PCDHGB3: variants seen among roughly 807,000 people sequenced by gnomAD.
PCDHGB3 encodes protocadherin gamma-B3.
Under a neutral mutation model 59.2 loss-of-function variants are expected in PCDHGB3, and 40 were observed. The observed-to-expected ratio is 0.68, with a 90% CI of 0.52 to 0.88. The LOEUF (loss-of-function observed/expected upper bound fraction) is 0.88. Ranked by LOEUF, PCDHGB3 falls within the 40% of genes least tolerant of loss-of-function variation. The pLI, the probability that PCDHGB3 is intolerant of heterozygous loss-of-function variation, is 0.00. For synonymous variants in PCDHGB3, 581 were observed against 503.6 expected, an observed-to-expected ratio of 1.15 and a Z score of -2.06; for missense variants, 1,309 against 1,187.9, an observed-to-expected ratio of 1.10 and a Z score of -1.50.
intron 1 of PCDHGB3, chr5:141,393,035 CTT>C: frequency 6.2e-7 from 1 of 1,613,790 alleles, no homozygotes; most frequent in South Asian, 1.1e-5. Flanking sequence ...GGACGCAGCT[CTT>C]TGCTCTGAAC....
At chr5:141,386,140 G>A (rs1246033956) in intron 1 of PCDHGB3, 1 of 152,170 alleles carries the variant, frequency 6.6e-6, no homozygotes, top group African/African-American at 2.4e-5. Context: ...TACTGGCTTT[G>A]TTTCAACTGT....
intron 1 of PCDHGB3, chr5:141,383,685 C>T: frequency 3.1e-6 from 5 of 1,614,018 alleles, no homozygotes; most frequent in Non-Finnish European, 4.2e-6. Context: ...CAAGACTGCT[C>T]ACGGTACATG....
At chr5:141,456,504 T>G (rs781368588) in intron 1 of PCDHGB3, among the ~76,000 whole-genome samples, 1 of 152,148 alleles carries the variant, frequency 6.6e-6, no homozygotes, top group Non-Finnish European at 1.5e-5. Context: ...GGTTAACCAA[T>G]TCCATAAAGA....
intron 3 of PCDHGB3, among the ~76,000 whole-genome samples, chr5:141,510,566 A>G (rs2154594633): frequency 6.6e-6 from 1 of 152,288 alleles, no homozygotes; most frequent in South Asian, 2.1e-4. Flanking sequence ...TACATCTACC[A>G]GGCACTATTT....
chr5:141,384,384 C>A (rs142665639), intron 1 of PCDHGB3: 102 of 1,613,934 alleles, frequency 6.3e-5, no homozygotes, highest in Non-Finnish European at 8.3e-5. Context: ...CCGAAGACAC[C>A]ATCCAGGGGG....
In PCDHGB3 at chr5:141,447,157, T is replaced by A. The variant is rs569196292; in HGVS notation, c.2416-47650T>A. On this transcript the variant is annotated intron_variant, in intron 1 of 3. Transcript: ENST00000576222. The stretch of plus-strand genomic sequence containing the variant: ...TTTGTTTTTTGTTTTTGTTTTTGTT[T>A]AAGCGGGGTCTTGCTCTTGTCGCGC... Among the ~76,000 whole-genome samples the A allele has an allele frequency of 4.1e-4, 62 of 152,254 alleles. No homozygotes were observed. The South Asian group carries it at 0.013, about 31-fold the overall frequency.
chr5:141,428,148 G>A (rs774961575), intron 1 of PCDHGB3: 6 of 1,588,024 alleles, frequency 3.8e-6, no homozygotes, highest in East Asian at 4.5e-5. Flanking sequence ...GCTGCACACG[G>A]GAACCTGCTG....
chr5:141,492,296 G>GACGC lies in PCDHGB3; in HGVS notation c.2416-2500_2416-2497dup, dbSNP rs540417011. 9.7e-4 allele frequency among the ~76,000 whole-genome samples: 148 copies of GACGC among 152,328 alleles called. 2 individuals are homozygous for GACGC. In the South Asian group the frequency reaches 0.014, roughly 14 times the overall value. ...GCCACGCCCCGCCAACACGTGCGCGGACGCACGCACGCACTCCTCGCACGT... is the reference window on the plus strand; with the variant it reads ...GCCACGCCCCGCCAACACGTGCGCGGACGCACGCACGCACGCACTCCTCGCACGT... On this transcript the variant is annotated intron_variant, in intron 1 of 3. Transcript: ENST00000576222.
In PCDHGB3 at chr5:141,466,692, A is replaced by G. The variant is rs185786515; in HGVS notation, c.2416-28115A>G. Among the ~76,000 whole-genome samples the G allele has an allele frequency of 3.0e-4, 46 of 152,280 alleles. 1 individual carries two copies. The highest frequency in any genetic ancestry group is 1.0e-3 in the African/African-American group (43 of 41,558). On this transcript the variant is annotated intron_variant, in intron 1 of 3. Coordinates refer to ENST00000576222, the MANE Select transcript of PCDHGB3 (RefSeq NM_018924.5). ...ACCGTTCTTCCACTCAAGCTTCATCATAAATTTGATGTCTGTTCTTGTTTC... is the reference window on the plus strand; with the variant it reads ...ACCGTTCTTCCACTCAAGCTTCATCGTAAATTTGATGTCTGTTCTTGTTTC...
chr5:141,452,133 A>C (rs2098734490), intron 1 of PCDHGB3, among the ~76,000 whole-genome samples: 1 of 152,136 alleles, frequency 6.6e-6, no homozygotes, highest in Admixed American at 6.5e-5. Flanking sequence ...TATATGGCTC[A>C]TGTGTTTTTT....
In PCDHGB3 at chr5:141,460,999, G is replaced by GTA. The variant is rs1350972422; in HGVS notation, c.2416-33797_2416-33796dup. Reference sequence around the variant, plus strand: ...TGTGTGTGTGTATATATATATATGTGTATATATATATACCACATTTTCTTT... The same window carrying GTA: ...TGTGTGTGTGTATATATATATATGTGTATATATATATATACCACATTTTCTTT... On this transcript the variant is annotated intron_variant, in intron 1 of 3. Coordinates refer to ENST00000576222, the MANE Select transcript of PCDHGB3 (RefSeq NM_018924.5). Among the ~76,000 whole-genome samples, 54 of 149,566 alleles carry GTA rather than the reference G, an allele frequency of 3.6e-4. No homozygotes were observed. The South Asian group carries it at 4.2e-3, about 12-fold the overall frequency.
chr5:141,491,503 G>C lies in PCDHGB3; in HGVS notation c.2416-3304G>C. On this transcript the variant is annotated intron_variant, in intron 1 of 3. Coordinates refer to ENST00000576222, the MANE Select transcript of PCDHGB3 (RefSeq NM_018924.5). The surrounding 1 kb of genome is among the most constrained non-coding windows in gnomAD (Gnocchi z 6.9). ...CCCCAACCTGCAGGTGAGCTCGGACGGCACGCTCAAGTACATGGAGGTGAC... is the reference window on the plus strand; with the variant it reads ...CCCCAACCTGCAGGTGAGCTCGGACCGCACGCTCAAGTACATGGAGGTGAC... The C allele has an allele frequency of 6.2e-7, 1 of 1,614,030 alleles. No homozygotes were observed.
At chr5:141,478,545 A>C in intron 1 of PCDHGB3, 1 of 1,605,606 alleles carries the variant, frequency 6.2e-7, no homozygotes, top group Non-Finnish European at 8.5e-7. Flanking sequence ...CCTCCCGGAC[A>C]GGTAAGGTTT....
At chr5:141,421,967 T>C (rs760789458) in intron 1 of PCDHGB3, 2 of 1,611,174 alleles carry the variant, frequency 1.2e-6, no homozygotes, top group Admixed American at 3.4e-5. Flanking sequence ...ACACAGTCCG[T>C]ATATCGCGTG....
In PCDHGB3 at chr5:141,511,149, G is replaced by T; in HGVS notation, c.2766G>T (p.Lys922Asn). The change falls in exon 4 of 4, where the codon AAG becomes AAT. Residue 922 changes from lysine to asparagine, a missense_variant. By Grantham distance (94) the Lys-to-Asn change is moderately conservative. Transcript: ENST00000576222. ...APAGGNGNKKKSGKKEKK is the reference protein window; with the variant it reads ...APAGGNGNKKNSGKKEKK The stretch of plus-strand genomic sequence containing the variant: ...CAGGTGGCAATGGCAACAAGAAGAA[G>T]TCGGGCAAGAAGGAGAAGAAGTAAC... 1 of 1,614,176 alleles carries T rather than the reference G, an allele frequency of 6.2e-7. No homozygotes were observed. The highest frequency in any genetic ancestry group is 8.5e-7 in the Non-Finnish European group (1 of 1,179,998).
intron 1 of PCDHGB3, among the ~76,000 whole-genome samples, chr5:141,480,949 G>A (rs949853273): frequency 2.0e-4 from 30 of 152,136 alleles, no homozygotes; most frequent in African/African-American, 4.6e-4. Flanking sequence ...AGAGGCTGAG[G>A]CGGAAGCATC....
rs2099710385 is a variant in PCDHGB3 at position 141,491,296 on chromosome 5, G to A, written c.2416-3511G>A. 6.2e-7 allele frequency: 1 copy of A among 1,614,034 alleles called. No individual in the cohort carries two copies. Among genetic ancestry groups the A allele is most frequent in the African/African-American group, 1.3e-5 (1 of 74,924 alleles). Reference sequence around the variant, plus strand: ...CAGTGACTTCCTCATACACCCTCCTGAGCGTTCAGACCTTACCCTTTACCT... The same window carrying A: ...CAGTGACTTCCTCATACACCCTCCTAAGCGTTCAGACCTTACCCTTTACCT... On this transcript the variant is annotated intron_variant, in intron 1 of 3. Transcript: ENST00000576222. The surrounding 1 kb of genome is among the most constrained non-coding windows in gnomAD (Gnocchi z 6.9).
chr5:141,399,026 A>C (rs1448827116), intron 1 of PCDHGB3: 1 of 1,613,886 alleles, frequency 6.2e-7, no homozygotes, highest in East Asian at 2.2e-5. Flanking sequence ...ATTACCACTC[A>C]AAAGAAACTG....
chr5:141,401,096 C>A (rs1193628525), intron 1 of PCDHGB3, among the ~76,000 whole-genome samples: 1 of 152,160 alleles, frequency 6.6e-6, no homozygotes, highest in Non-Finnish European at 1.5e-5. Context: ...GTAATCCCAG[C>A]ACTTTGGGAG....
Sources: allele counts gnomAD v4.1 joint callset (sites outside exome capture counted in the v4.1 genomes callset), GRCh38; gene constraint gnomAD v4.1.1; non-coding constraint Gnocchi (gnomAD v3.1); transcripts MANE v1.5; gene names NCBI Gene and HGNC (gene_info 2026-07-23, HGNC 2026-07-21).